The following CEP350 variants were observed in gnomAD, a reference collection of about 807,000 sequenced individuals.
The protein encoded by CEP350 is centrosomal protein 350.
A neutral mutation model predicts 331.8 loss-of-function variants in CEP350; 126 were observed. That is an observed-to-expected ratio of 0.38 (90% CI 0.33 to 0.44). The LOEUF (loss-of-function observed/expected upper bound fraction) is 0.44. Ranked by LOEUF, CEP350 falls within the 20% of genes least tolerant of loss-of-function variation. The probability of loss-of-function intolerance (pLI) is 1.00; values close to 1 mark genes in which losing one functional copy is unlikely to be tolerated. For synonymous variants in CEP350, 1,200 were observed against 1,259.5 expected, an observed-to-expected ratio of 0.95 and a Z score of 1.00; for missense variants, 3,406 against 3,634.6, an observed-to-expected ratio of 0.94 and a Z score of 1.62.
At chr1:179,963,422 A>G (rs574058674) in intron 1 of CEP350, among the ~76,000 whole-genome samples, 25 of 152,122 alleles carry the variant, frequency 1.6e-4, no homozygotes, top group African/African-American at 6.0e-4. Flanking sequence ...GGTTTTTTAA[A>G]ATAGGATCTT....
intron 15 of CEP350, among the ~76,000 whole-genome samples, chr1:180,033,533 G>T (rs1022979034): frequency 6.6e-6 from 1 of 152,058 alleles, no homozygotes; most frequent in Non-Finnish European, 1.5e-5. Context: ...TATTTTAGAA[G>T]ACTTTGCTTC....
chr1:179,976,903 A>T (rs1651913203), intron 1 of CEP350, among the ~76,000 whole-genome samples: 1 of 152,232 alleles, frequency 6.6e-6, no homozygotes, highest in Admixed American at 6.5e-5. Flanking sequence ...AGAATGCAAG[A>T]GCAGAAAATG....
chr1:180,072,604 G>A (rs1658963915), intron 27 of CEP350, among the ~76,000 whole-genome samples: 1 of 152,124 alleles, frequency 6.6e-6, no homozygotes, highest in South Asian at 2.1e-4. Context: ...TTGAATTTCA[G>A]TGCAGAAAAT....
chr1:180,100,456 A>G (rs1161762891), intron 37 of CEP350, among the ~76,000 whole-genome samples: 1 of 152,228 alleles, frequency 6.6e-6, no homozygotes, highest in South Asian at 2.1e-4. Flanking sequence ...AGAGGCATTC[A>G]TCTAACCTAT....
intron 1 of CEP350, among the ~76,000 whole-genome samples, chr1:179,962,493 TC>T (rs1650709098): frequency 6.6e-6 from 1 of 152,156 alleles, no homozygotes; most frequent in African/African-American, 2.4e-5. Context: ...CACTGCAACT[TC>T]CGCCTCCCGG....
Position 180,080,600 on chromosome 1 carries a change from T to C in CEP350, c.6063T>C (p.Pro2021=). Residue 2021 remains proline, a synonymous_variant, in exon 30 of 38, where the codon CCT becomes CCC. Coordinates refer to ENST00000367607, the MANE Select transcript of CEP350 (RefSeq NM_014810.5). ...GGACTGGAGGACAATGTCACCTGCC[T>C]ATCAAGTCCCATCAGCACTGTTATA... ...SHRTGGQCHL[P]IKSHQHCYSW... is the part of the protein sequence containing the mutation. The C allele has an allele frequency of 6.2e-7, 1 of 1,613,908 alleles. No homozygotes were observed.
chr1:179,985,715 G>A (rs1558078961), intron 1 of CEP350, among the ~76,000 whole-genome samples: 1 of 152,136 alleles, frequency 6.6e-6, no homozygotes, highest in Non-Finnish European at 1.5e-5. Context: ...AAAACCGTTA[G>A]ATCTCACGAG....
intron 36 of CEP350, among the ~76,000 whole-genome samples, chr1:180,098,279 TA>T (rs1660603807): frequency 6.6e-6 from 1 of 152,210 alleles, no homozygotes; most frequent in Non-Finnish European, 1.5e-5. Context: ...TGGTAGTTCT[TA>T]AGTAAACTCT....
At chr1:180,011,875 C>A (rs1654681651) in intron 8 of CEP350, 54 bp from the exon 9 acceptor site, 1 of 1,221,238 alleles carries the variant, frequency 8.2e-7, no homozygotes, top group Non-Finnish European at 1.2e-6. Context: ...TGAGTAGATA[C>A]ACTTCTTACA....
intron 27 of CEP350, chr1:180,073,752 T>A: frequency 1.5e-6 from 2 of 1,298,810 alleles, no homozygotes; most frequent in Non-Finnish European, 2.0e-6. Context: ...CCTCTTGATC[T>A]CTTGTTTTTA....
intron 31 of CEP350, chr1:180,087,186 A>G (rs1659917666): frequency 6.5e-6 from 1 of 153,900 alleles, no homozygotes; most frequent in African/African-American, 2.4e-5. Context: ...TAAGAAACTT[A>G]CTGCTATTGA....
intron 15 of CEP350, among the ~76,000 whole-genome samples, chr1:180,033,613 C>T (rs960567766): frequency 6.6e-6 from 1 of 152,122 alleles, no homozygotes; most frequent in African/African-American, 2.4e-5. Flanking sequence ...TTTAATCAAG[C>T]TACTCCCTTT....
chr1:180,024,659 G>A (rs919993992), intron 14 of CEP350, 77 bp downstream of exon 14: 48 of 1,411,358 alleles, frequency 3.4e-5, no homozygotes, highest in East Asian at 5.1e-5. Flanking sequence ...TGATTTGATT[G>A]CATAAGAAGT....
intron 1 of CEP350, among the ~76,000 whole-genome samples, chr1:179,960,400 G>A (rs1650514978): frequency 6.6e-6 from 1 of 152,124 alleles, no homozygotes; most frequent in African/African-American, 2.4e-5. Context: ...AAATGATATT[G>A]AATGAAACTA....
intron 1 of CEP350, among the ~76,000 whole-genome samples, chr1:179,963,657 G>A (rs1558064599): frequency 6.6e-6 from 1 of 152,006 alleles, no homozygotes; most frequent in East Asian, 1.9e-4. Flanking sequence ...TAGGTGTATG[G>A]CTTTATTTCT....
intron 1 of CEP350, among the ~76,000 whole-genome samples, chr1:179,973,043 A>AT (rs2148605448): frequency 6.6e-6 from 1 of 151,534 alleles, no homozygotes; most frequent in South Asian, 2.1e-4. Context: ...AATTTTTTGT[A>AT]TTTTTAGTAG....
intron 30 of CEP350, 133 bp from the exon 31 acceptor site, chr1:180,083,885 G>A (rs763286203): frequency 1.9e-5 from 9 of 475,864 alleles, no homozygotes; most frequent in South Asian, 1.1e-4. Flanking sequence ...ATCTTCTTCC[G>A]AAGCTCATAT....
At chr1:180,109,493 C>A (rs911440171) in intron 37 of CEP350, among the ~76,000 whole-genome samples, 1 of 152,080 alleles carries the variant, frequency 6.6e-6, no homozygotes, top group Non-Finnish European at 1.5e-5. Flanking sequence ...GCTTTTTTGC[C>A]AAGTAAGACT....
chr1:180,007,454 T>C (rs1321774188), intron 8 of CEP350, among the ~76,000 whole-genome samples: 1 of 152,210 alleles, frequency 6.6e-6, no homozygotes, highest in Non-Finnish European at 1.5e-5. Flanking sequence ...TTGATGAGGT[T>C]GTTTGTTTCT....
Sources: allele counts gnomAD v4.1 joint callset (sites outside exome capture counted in the v4.1 genomes callset), GRCh38; gene constraint gnomAD v4.1.1; transcripts MANE v1.5; gene names NCBI Gene and HGNC (gene_info 2026-07-23, HGNC 2026-07-21).